Variants in INPP5A observed in about 807,000 individuals in gnomAD.
INPP5A encodes inositol polyphosphate-5-phosphatase A.
INPP5A carries 14 observed loss-of-function variants against 65.2 expected under a neutral mutation model. That is an observed-to-expected ratio of 0.21 (90% CI 0.14 to 0.34). INPP5A has a LOEUF of 0.34. Among genes scored for constraint, INPP5A ranks in the 10% least tolerant of loss-of-function variants. The pLI is 1.00. For synonymous variants in INPP5A, 207 were observed against 208.3 expected (o/e 0.99, Z 0.05); for missense variants, 431 against 545.6 (o/e 0.79, Z 2.09).
chr10:132,729,447 T>C (rs59537307), intron 9 of INPP5A, among the ~76,000 whole-genome samples: 6,289 of 152,260 alleles, frequency 0.041, 426 homozygotes, highest in African/African-American at 0.14. Flanking sequence ...TGCCCAGGTC[T>C]AGATGGCCCT....
intron 4 of INPP5A, among the ~76,000 whole-genome samples, chr10:132,657,104 C>A (rs1051860600): frequency 1.3e-5 from 2 of 152,228 alleles, no homozygotes; most frequent in African/African-American, 4.8e-5. Flanking sequence ...CTGCCTCAGC[C>A]AGGATGGCCC....
intron 2 of INPP5A, among the ~76,000 whole-genome samples, chr10:132,624,191 C>T (rs924138677): frequency 2.0e-5 from 3 of 152,238 alleles, no homozygotes; most frequent in Admixed American, 6.5e-5. Flanking sequence ...CCTGTTTGCA[C>T]AGAAGCCTGA....
intron 4 of INPP5A, among the ~76,000 whole-genome samples, chr10:132,677,044 CATCACCCA>C (rs1256172778): frequency 3.7e-5 from 3 of 80,298 alleles, no homozygotes; most frequent in East Asian, 1.3e-3. Context: ...TGACCCCCAC[CATCACCCA>C]GGCACCTGTC....
At chr10:132,636,475 TA>T (rs1282841544) in intron 2 of INPP5A, among the ~76,000 whole-genome samples, 1 of 152,144 alleles carries the variant, frequency 6.6e-6, no homozygotes, top group Admixed American at 6.6e-5. Context: ...TATACAAATT[TA>T]AAAAATGAAC....
intron 1 of INPP5A, among the ~76,000 whole-genome samples, chr10:132,581,413 A>G (rs2071482306): frequency 6.6e-6 from 1 of 152,196 alleles, no homozygotes; most frequent in African/African-American, 2.4e-5. Context: ...TCTACCTAGG[A>G]GTGAAGTGGC....
chr10:132,667,798 G>A (rs974812002), intron 4 of INPP5A, among the ~76,000 whole-genome samples: 5 of 152,170 alleles, frequency 3.3e-5, no homozygotes, highest in Admixed American at 1.3e-4. Flanking sequence ...GGCGCGAGCC[G>A]GAAGAGGGAT....
At chr10:132,779,875 AGTGTTCAGTGAGGT>A (rs1264464990) in intron 13 of INPP5A, among the ~76,000 whole-genome samples, 1 of 152,184 alleles carries the variant, frequency 6.6e-6, no homozygotes, top group Non-Finnish European at 1.5e-5. Flanking sequence ...CTCGGTGACA[AGTGTTCAGTGAGGT>A]GTGCCGCACG....
intron 1 of INPP5A, among the ~76,000 whole-genome samples, chr10:132,548,840 A>AGG (rs1297427662): frequency 8.0e-6 from 1 of 125,142 alleles, no homozygotes; most frequent in Non-Finnish European, 1.6e-5. Context: ...ACTTCCACCT[A>AGG]GGCTGGAGTG....
chr10:132,749,220 C>G (rs1846426317), intron 9 of INPP5A, among the ~76,000 whole-genome samples: 1 of 152,256 alleles, frequency 6.6e-6, no homozygotes, highest in Admixed American at 6.5e-5. Context: ...GCCTTCCGAG[C>G]CTGCTGGTGT....
At chr10:132,712,350 CGT>C (rs377374632) in intron 8 of INPP5A, among the ~76,000 whole-genome samples, 25 of 150,836 alleles carry the variant, frequency 1.7e-4, no homozygotes, top group East Asian at 1.4e-3. Flanking sequence ...CGCACATCTG[CGT>C]GTGTGTGTTC....
chr10:132,679,309 G>A (rs2073011566), intron 4 of INPP5A, among the ~76,000 whole-genome samples: 2 of 152,234 alleles, frequency 1.3e-5, no homozygotes, highest in African/African-American at 4.8e-5. Context: ...AGTGGGAGCT[G>A]GAGGAGGGTG....
intron 1 of INPP5A, among the ~76,000 whole-genome samples, chr10:132,559,304 C>A (rs1212805844): frequency 6.6e-6 from 1 of 152,324 alleles, no homozygotes; most frequent in African/African-American, 2.4e-5. Context: ...GGGGGTTAGT[C>A]CTGTCATTTG....
intron 12 of INPP5A, among the ~76,000 whole-genome samples, chr10:132,769,704 C>T (rs889521215): frequency 4.6e-5 from 7 of 152,140 alleles, no homozygotes; most frequent in Non-Finnish European, 1.0e-4. Context: ...TTTCTTCACC[C>T]AGCATTGGTC....
Position 132,678,946 on chromosome 10 carries a change from C to T in INPP5A, c.307-11446C>T, listed in dbSNP as rs980255977. ...ACAGAAGGGCGCAGCCTCCTCAGGC[C>T]CAGATGGCCAATGGGGCTGGAGCTC... On this transcript the variant is annotated intron_variant, in intron 4 of 15. Coordinates refer to ENST00000368594, the MANE Select transcript of INPP5A (RefSeq NM_005539.5). The surrounding 1 kb of genome is among the most constrained non-coding windows in gnomAD (Gnocchi z 4.1). Among the ~76,000 whole-genome samples, 7 of 152,280 alleles carry T rather than the reference C, an allele frequency of 4.6e-5. No homozygotes were observed. Among genetic ancestry groups the T allele is most frequent in the Admixed American group, 4.6e-4 (7 of 15,296 alleles).
rs757827008 is a variant in INPP5A, at chr10:132,538,125, C to T, written c.29C>T (p.Thr10Ile). MAGKAAAPGTAVLLVTANVG... is the reference protein window; with the variant it reads MAGKAAAPGIAVLLVTANVG... ...GCGGGGAAGGCGGCCGCCCCGGGCACCGCGGTGCTGCTGGTCACGGCCAAC... is the reference window on the plus strand; with the variant it reads ...GCGGGGAAGGCGGCCGCCCCGGGCATCGCGGTGCTGCTGGTCACGGCCAAC... Residue 10 changes from threonine (T) to isoleucine (I), a missense_variant, in exon 1 of 16, where the codon ACC (threonine) becomes ATC (isoleucine). By Grantham distance (89) the Thr-to-Ile change is moderately conservative. Coordinates refer to ENST00000368594, the MANE Select transcript of INPP5A (RefSeq NM_005539.5). This position sits in a 1 kb window ranked among gnomAD's most constrained non-coding sequence, Gnocchi z 4.1. 8.8e-6 allele frequency: 11 copies of T among 1,252,086 alleles called. No homozygotes were observed. Among genetic ancestry groups the T allele is most frequent in the South Asian group, 6.2e-5 (2 of 32,364 alleles). The allele number at this position is 1,252,086 out of a possible 1,614,324, so 77.6% of individuals were successfully genotyped here.
chr10:132,743,614 A>G (rs1846316469), intron 9 of INPP5A, among the ~76,000 whole-genome samples: 2 of 152,258 alleles, frequency 1.3e-5, no homozygotes, highest in Non-Finnish European at 2.9e-5. Flanking sequence ...CTTCCGAATC[A>G]GCACTTTCTT....
At chr10:132,724,570 A>G (rs974183919) in intron 8 of INPP5A, among the ~76,000 whole-genome samples, 3 of 150,686 alleles carry the variant, frequency 2.0e-5, no homozygotes, top group Admixed American at 2.0e-4. Flanking sequence ...GGGTTACTCA[A>G]TCTCCAGAAC....
chr10:132,660,237 A>G (rs190471485), intron 4 of INPP5A, among the ~76,000 whole-genome samples: 2 of 152,264 alleles, frequency 1.3e-5, no homozygotes, highest in Non-Finnish European at 2.9e-5. Context: ...CAGCATGGAA[A>G]AATTGAAAAA....
At chr10:132,606,805 C>T (rs1014378981) in intron 1 of INPP5A, among the ~76,000 whole-genome samples, 3 of 152,278 alleles carry the variant, frequency 2.0e-5, no homozygotes, top group South Asian at 2.1e-4. Flanking sequence ...CCGATGGGAG[C>T]GGGGGCAGGG....
Sources: gnomAD v4.1 joint callset for allele counts (sites outside exome capture counted in the v4.1 genomes callset) on GRCh38, gnomAD v4.1.1 for gene constraint, Gnocchi (gnomAD v3.1) non-coding constraint, MANE v1.5 for transcripts, NCBI Gene and HGNC (gene_info 2026-07-23, HGNC 2026-07-21) for gene names.